GRIA4: variants seen among roughly 807,000 people sequenced by gnomAD.
GRIA4 encodes glutamate receptor 4.
GRIA4 carries 34 observed loss-of-function variants against 104.0 expected under a neutral mutation model. The ratio of observed to expected loss-of-function variants is 0.33; its 90% CI spans 0.25 to 0.44. The LOEUF (loss-of-function observed/expected upper bound fraction) is 0.44. Ranked by LOEUF, GRIA4 falls within the 20% of genes least tolerant of loss-of-function variation. GRIA4 has a pLI of 1.00. For synonymous variants in GRIA4, 386 were observed against 381.9 expected (o/e 1.01, Z -0.13); for missense variants, 750 against 1,096.5 (o/e 0.68, Z 4.46).
At chr11:105,637,430 A>G (rs1055540916) in intron 3 of GRIA4, among the ~76,000 whole-genome samples, 5 of 151,370 alleles carry the variant, frequency 3.3e-5, no homozygotes, top group African/African-American at 1.2e-4. Context: ...AAGATGAATT[A>G]TCTCAGGAAA....
At chr11:105,842,905 A>G (rs1235436433) in intron 4 of GRIA4, 1 of 152,212 alleles carries the variant, frequency 6.6e-6, no homozygotes, top group Non-Finnish European at 1.5e-5. Context: ...CAAATTTTTG[A>G]ATGACCTGTA....
At chr11:105,645,828 C>T (rs555894988) in intron 3 of GRIA4, among the ~76,000 whole-genome samples, 28 of 152,114 alleles carry the variant, frequency 1.8e-4, no homozygotes, top group African/African-American at 6.7e-4. Context: ...AGACAGATAA[C>T]CTAGAGCAGA....
chr11:105,947,404 C>CT (rs1410202128), intron 14 of GRIA4, among the ~76,000 whole-genome samples: 3 of 152,146 alleles, frequency 2.0e-5, no homozygotes, highest in African/African-American at 7.2e-5. Flanking sequence ...TTAGTGAGCT[C>CT]TTTATGTGTT....
chr11:105,923,001 C>T (rs535047428), intron 11 of GRIA4, among the ~76,000 whole-genome samples: 1 of 152,156 alleles, frequency 6.6e-6, no homozygotes, highest in South Asian at 2.1e-4. Flanking sequence ...CTCTTGAAGG[C>T]ATATGTGGTC....
chr11:105,944,433 G>A (rs773921860), intron 14 of GRIA4, among the ~76,000 whole-genome samples: 4 of 151,938 alleles, frequency 2.6e-5, no homozygotes, highest in Non-Finnish European at 5.9e-5. Context: ...TCTGGTATTT[G>A]TTTTTTTATG....
At chr11:105,769,577 C>T (rs930907278) in intron 4 of GRIA4, among the ~76,000 whole-genome samples, 3 of 151,904 alleles carry the variant, frequency 2.0e-5, no homozygotes, top group Non-Finnish European at 4.4e-5. Flanking sequence ...AGTGAATATC[C>T]CACCTGAAAA....
chr11:105,647,546 T>G lies in GRIA4; in HGVS notation c.247+35112T>G, dbSNP rs984073648. On this transcript the variant is annotated intron_variant, in intron 3 of 16. Coordinates refer to ENST00000282499, the MANE Select transcript of GRIA4 (RefSeq NM_000829.4). ...AGCAAAGACCTGGAATCAACCTAAATGCCCATCAGTGACAGACTGGATAAA... is the reference window on the plus strand; with the variant it reads ...AGCAAAGACCTGGAATCAACCTAAAGGCCCATCAGTGACAGACTGGATAAA... Among the ~76,000 whole-genome samples, 12 of 152,264 alleles carry G rather than the reference T, an allele frequency of 7.9e-5. No individual in the cohort carries two copies. The East Asian group carries it at 2.3e-3, about 29-fold the overall frequency.
rs1369615970 is a variant in GRIA4 at position 105,745,734 on chromosome 11, G to A, written c.248-7247G>A. ...GTTAGTAAAATATCACTAATATGAGGAGGACTTTCGCAATCAAGGCAGTCA... is the reference window on the plus strand; with the variant it reads ...GTTAGTAAAATATCACTAATATGAGAAGGACTTTCGCAATCAAGGCAGTCA... On this transcript the variant is annotated intron_variant, in intron 3 of 16. Coordinates refer to ENST00000282499, the MANE Select transcript of GRIA4 (RefSeq NM_000829.4). 2.0e-5 allele frequency among the ~76,000 whole-genome samples: 3 copies of A among 152,116 alleles called. No homozygotes were observed. The East Asian group carries it at 5.8e-4, about 29-fold the overall frequency.
intron 14 of GRIA4, among the ~76,000 whole-genome samples, chr11:105,962,843 CTT>C (rs1304920234): frequency 1.3e-5 from 2 of 152,092 alleles, no homozygotes; most frequent in African/African-American, 4.8e-5. Context: ...TTTCAACTGA[CTT>C]TGCAAAAGCT....
chr11:105,675,037 G>GA (rs1440884134), intron 3 of GRIA4, among the ~76,000 whole-genome samples: 1 of 151,792 alleles, frequency 6.6e-6, no homozygotes, highest in African/African-American at 2.4e-5. Flanking sequence ...GCTCCTTGGG[G>GA]AAAAAGTTCT....
intron 7 of GRIA4, among the ~76,000 whole-genome samples, chr11:105,903,414 G>T (rs1946929928): frequency 6.6e-6 from 1 of 152,152 alleles, no homozygotes; most frequent in Non-Finnish European, 1.5e-5. Context: ...AGATTAAGAG[G>T]CCCAGCCCTC....
chr11:105,981,761 C>G lies in GRIA4; in HGVS notation c.*2022C>G, dbSNP rs921572264. On this transcript the variant is annotated 3_prime_UTR_variant, in exon 17 of 17. Transcript: ENST00000282499. ...CACTGCATAGACTATTTCCTCAGTG[C>G]GTAACTCCTCCCTGTCTCCTCTTTA... The G allele has an allele frequency of 6.6e-6, 1 of 152,588 alleles. No individual in the cohort carries two copies. Among genetic ancestry groups the G allele is most frequent in the Non-Finnish European group, 1.5e-5 (1 of 68,110 alleles). The allele number at this position is 152,588 out of a possible 1,614,324, so 9.5% of individuals were successfully genotyped here. A position where few individuals can be genotyped will look rare whatever the true frequency, so the allele number is the denominator to read the frequency against.
intron 6 of GRIA4, among the ~76,000 whole-genome samples, chr11:105,892,768 T>C (rs1470430927): frequency 2.6e-5 from 4 of 152,188 alleles, no homozygotes; most frequent in African/African-American, 9.6e-5. Context: ...AGTACATACT[T>C]TAAGTCAATT....
intron 9 of GRIA4, 36 bp downstream of exon 9, chr11:105,905,337 G>T: frequency 1.2e-5 from 14 of 1,124,374 alleles, no homozygotes; most frequent in African/African-American, 1.5e-5. Flanking sequence ...AGAATTCTCT[G>T]TTTCTTAGTT....
At chr11:105,662,310 G>T (rs560478355) in intron 3 of GRIA4, among the ~76,000 whole-genome samples, 1 of 151,882 alleles carries the variant, frequency 6.6e-6, no homozygotes, top group South Asian at 2.1e-4. Flanking sequence ...TGGCAAAACT[G>T]GAAGTTAAAC....
At chr11:105,695,719 C>A (rs1322003093) in intron 3 of GRIA4, among the ~76,000 whole-genome samples, 2 of 152,086 alleles carry the variant, frequency 1.3e-5, no homozygotes, top group Non-Finnish European at 2.9e-5. Context: ...TTGCTAAATG[C>A]CTGCTTCTTT....
chr11:105,877,084 A>G (rs913308417), intron 5 of GRIA4, among the ~76,000 whole-genome samples: 1 of 151,630 alleles, frequency 6.6e-6, no homozygotes, highest in African/African-American at 2.4e-5. Flanking sequence ...GTGCTTCAGC[A>G]GCTCTTGTAA....
At position 105,924,728 on chromosome 11, in the gene GRIA4, C is replaced by T. The variant is rs576356064; in HGVS notation, c.1806C>T (p.Ser602=). The change falls in exon 12 of 17, where the codon TCC becomes TCT. Residue 602 remains serine, a synonymous_variant. Transcript: ENST00000282499. ...EFGIFNSLWF[S]LGAFMQQGCD... is the part of the protein sequence containing the mutation. ...GCATCTTTAACAGCCTCTGGTTTTC[C>T]CTGGGTGCTTTTATGCAGCAAGGAT... The T allele has an allele frequency of 1.6e-5, 25 of 1,611,894 alleles. No individual in the cohort carries two copies. The highest frequency in any genetic ancestry group is 6.7e-5 in the East Asian group (3 of 44,844).
chr11:105,698,325 G>A (rs1953360066), intron 3 of GRIA4, among the ~76,000 whole-genome samples: 1 of 152,178 alleles, frequency 6.6e-6, no homozygotes, highest in Admixed American at 6.6e-5. Context: ...ACTGCCTAAA[G>A]TAGGACTTAT....
Sources: gnomAD v4.1 joint callset for allele counts (sites outside exome capture counted in the v4.1 genomes callset) on GRCh38, gnomAD v4.1.1 for gene constraint, MANE v1.5 for transcripts, NCBI Gene and HGNC (gene_info 2026-07-23, HGNC 2026-07-21) for gene names.